Variants in DNAI2 observed in about 807,000 individuals in gnomAD.
The protein encoded by DNAI2 is dynein, axonemal, intermediate polypeptide 2.
DNAI2 carries 63 observed loss-of-function variants against 74.7 expected under a neutral mutation model. The observed-to-expected ratio is 0.84, with a 90% CI of 0.69 to 1.04. The LOEUF (loss-of-function observed/expected upper bound fraction) is 1.04. Ranked by LOEUF, DNAI2 falls within the 50% of genes least tolerant of loss-of-function variation. The pLI is 0.00. For synonymous variants in DNAI2, 289 were observed against 314.9 expected, an observed-to-expected ratio of 0.92 and a Z score of 0.87; for missense variants, 688 against 803.2, an observed-to-expected ratio of 0.86 and a Z score of 1.73.
At chr17:74,294,886 G>A (rs1021984279) in intron 6 of DNAI2, among the ~76,000 whole-genome samples, 2 of 151,800 alleles carry the variant, frequency 1.3e-5, no homozygotes, top group African/African-American at 4.8e-5. Context: ...TTATGTGTAT[G>A]TTGGCATGCT....
intron 3 of DNAI2, among the ~76,000 whole-genome samples, chr17:74,285,592 C>CA (rs34628493): frequency 0.016 from 2,306 of 140,730 alleles, 30 homozygotes; most frequent in African/African-American, 0.031. Context: ...CTTGCCAGTG[C>CA]AAAAAAAAAA....
At chr17:74,284,859 G>A (rs2051614165) in intron 2 of DNAI2, among the ~76,000 whole-genome samples, 181 bp from the exon 3 acceptor site, 1 of 152,230 alleles carries the variant, frequency 6.6e-6, no homozygotes, top group Non-Finnish European at 1.5e-5. Context: ...CGCTGTTGCA[G>A]CTACCTGTGC....
intron 3 of DNAI2, 98 bp from the exon 4 acceptor site, chr17:74,286,879 C>G (rs1303366252): frequency 5.8e-6 from 9 of 1,539,944 alleles, no homozygotes; most frequent in Non-Finnish European, 8.1e-6. Flanking sequence ...GGGAAAAGCC[C>G]CTGGCTATGT....
chr17:74,284,061 C>T (rs1224940040), intron 2 of DNAI2, among the ~76,000 whole-genome samples: 1 of 151,438 alleles, frequency 6.6e-6, no homozygotes, highest in Non-Finnish European at 1.5e-5. Context: ...TCACTTGAAT[C>T]CAGGAGGCGA....
At chr17:74,307,428 G>A in intron 9 of DNAI2, 1 of 399,300 alleles carries the variant, frequency 2.5e-6, no homozygotes, top group South Asian at 1.8e-5. Flanking sequence ...AGCACTTTGG[G>A]AGGCTGAGGC....
At chr17:74,311,218 A>G (rs947132540) in intron 11 of DNAI2, among the ~76,000 whole-genome samples, 4 of 152,162 alleles carry the variant, frequency 2.6e-5, no homozygotes, top group Non-Finnish European at 4.4e-5. Context: ...ATAGAAGGGG[A>G]CTTGAAGAGG....
intron 6 of DNAI2, among the ~76,000 whole-genome samples, chr17:74,295,651 T>G (rs1376098181): frequency 4.6e-5 from 7 of 152,206 alleles, no homozygotes; most frequent in Non-Finnish European, 7.3e-5. Flanking sequence ...TTATAATTTT[T>G]TTTTTATTAA....
At chr17:74,289,532 A>AG in intron 4 of DNAI2, 62 bp from the exon 5 acceptor site, 1 of 1,584,050 alleles carries the variant, frequency 6.3e-7, no homozygotes, top group South Asian at 1.2e-5. Flanking sequence ...AAAAAAAAAA[A>AG]AAGGGGGAGA....
At position 74,314,233 on chromosome 17, in the gene DNAI2, G is replaced by T. The variant is rs755932648; in HGVS notation, c.*17G>T. The T allele has an allele frequency of 4.3e-6, 7 of 1,613,802 alleles. No individual in the cohort carries two copies. In the African/African-American group the frequency reaches 8.0e-5, roughly 18 times the overall value. On this transcript the variant is annotated 3_prime_UTR_variant, in exon 13 of 14. Transcript: ENST00000311014. ...TTAGCCTAGAAGTCAGCCTTCGACTGCGGCGCTATCCCTGTGTGCCTTCCT... is the reference window on the plus strand; with the variant it reads ...TTAGCCTAGAAGTCAGCCTTCGACTTCGGCGCTATCCCTGTGTGCCTTCCT...
intron 2 of DNAI2, among the ~76,000 whole-genome samples, chr17:74,284,068 G>T (rs1367912441): frequency 6.6e-6 from 1 of 151,520 alleles, no homozygotes; most frequent in African/African-American, 2.4e-5. Flanking sequence ...AATCCAGGAG[G>T]CGAAGGTTGC....
At chr17:74,309,978 CT>C (rs1555614882) in intron 10 of DNAI2, 38 bp from the exon 11 acceptor site, 1 of 35,756 alleles carries the variant, frequency 2.8e-5, no homozygotes, top group Non-Finnish European at 1.6e-4. Context: ...AACTTTGCTC[CT>C]CTCTCCTCTA....
rs544535079 is a variant in DNAI2, at chr17:74,313,739, G to A, written c.1723-382G>A. On this transcript the variant is annotated intron_variant, in intron 12 of 13. Coordinates refer to ENST00000311014, the MANE Select transcript of DNAI2 (RefSeq NM_023036.6). The stretch of plus-strand genomic sequence containing the variant: ...AACGCTGGTGGTCACAAAGTACCGC[G>A]TGGTACTGAAGCTGTTTTACATAGG... The A allele has an allele frequency of 1.6e-4, 44 of 279,088 alleles. 1 individual carries two copies. Among genetic ancestry groups the A allele is most frequent in the South Asian group, 1.4e-3 (33 of 24,324 alleles). The allele number at this position is 279,088 out of a possible 1,614,324, so 17.3% of individuals were successfully genotyped here.
rs745715756 is a variant in DNAI2, at chr17:74,301,202, C to A, written c.987+34C>A. 143 of 1,611,806 alleles carry A rather than the reference C, an allele frequency of 8.9e-5. 2 individuals carry two copies. In the South Asian group the frequency reaches 1.5e-3, roughly 16 times the overall value. On this transcript the variant is annotated intron_variant, in intron 8 of 13. Transcript: ENST00000311014. ...CCCTTGCTGTCCCTTCCCCGACTTGCATTGACAGGGCAGCCAGGGCTAAAG... is the reference window on the plus strand; with the variant it reads ...CCCTTGCTGTCCCTTCCCCGACTTGAATTGACAGGGCAGCCAGGGCTAAAG...
chr17:74,290,168 T>G (rs1008916351), intron 5 of DNAI2, among the ~76,000 whole-genome samples: 2 of 152,068 alleles, frequency 1.3e-5, no homozygotes, highest in African/African-American at 4.8e-5. Flanking sequence ...ATACAAAAAT[T>G]AGTTGTGCTT....
At chr17:74,305,470 G>A in intron 9 of DNAI2, 28 bp downstream of exon 9, 1 of 1,606,110 alleles carries the variant, frequency 6.2e-7, no homozygotes. Flanking sequence ...GGACAGGAGG[G>A]GATGCAGGAG....
At chr17:74,278,050 G>T (rs140655558) in intron 1 of DNAI2, among the ~76,000 whole-genome samples, 101 of 152,334 alleles carry the variant, frequency 6.6e-4, no homozygotes, top group African/African-American at 2.0e-3. Flanking sequence ...AACAATCACT[G>T]CTTTAGAGCC....
At chr17:74,305,652 A>G (rs1350667647) in intron 9 of DNAI2, among the ~76,000 whole-genome samples, 1 of 146,478 alleles carries the variant, frequency 6.8e-6, no homozygotes, top group African/African-American at 2.5e-5. Flanking sequence ...AATAATGGCC[A>G]TGGCTTAATT....
chr17:74,289,775 A>T (rs367835600), intron 5 of DNAI2, 39 bp downstream of exon 5: 25 of 1,612,676 alleles, frequency 1.6e-5, no homozygotes, highest in Non-Finnish European at 4.2e-6. Flanking sequence ...GGGAGGGCTG[A>T]GGGCTGGGAC....
chr17:74,295,590 T>G (rs72848283), intron 6 of DNAI2, among the ~76,000 whole-genome samples: 42,244 of 152,008 alleles, frequency 0.28, 7,002 homozygotes, highest in East Asian at 0.71. Context: ...CTCTATTTAT[T>G]GCTTTTTTAT....
Sources: gnomAD v4.1 joint callset for allele counts (sites outside exome capture counted in the v4.1 genomes callset) on GRCh38, gnomAD v4.1.1 for gene constraint, MANE v1.5 for transcripts, NCBI Gene and HGNC (gene_info 2026-07-23, HGNC 2026-07-21) for gene names.